CSMD1: variants seen among roughly 807,000 people sequenced by gnomAD.
CSMD1 encodes the protein CUB and sushi domain-containing protein 1.
A neutral mutation model predicts 417.5 loss-of-function variants in CSMD1; 213 were observed. The ratio of observed to expected loss-of-function variants is 0.51; its 90% confidence interval spans 0.46 to 0.57. The LOEUF (loss-of-function observed/expected upper bound fraction) is 0.57, where lower values mean the gene tolerates loss of function less well. CSMD1 is among the 20% of genes least tolerant of loss of function. The pLI, the probability that CSMD1 is intolerant of heterozygous loss-of-function variation, is 0.00. For missense variants in CSMD1, 6,923 were observed against 4,529.7 expected, an observed-to-expected ratio of 1.53 and a Z score of -15.17; for synonymous variants, 2,862 against 1,736.8, an observed-to-expected ratio of 1.65 and a Z score of -16.11.
At chr8:4,368,706 T>C (rs967333899) in intron 3 of CSMD1, among the ~76,000 whole-genome samples, 2 of 152,148 alleles carry the variant, frequency 1.3e-5, no homozygotes, top group African/African-American at 4.8e-5. Flanking sequence ...TGTTGTGTAT[T>C]TCTAGGAATT....
At chr8:4,868,731 T>C (rs1802561749) in intron 1 of CSMD1, among the ~76,000 whole-genome samples, 1 of 151,876 alleles carries the variant, frequency 6.6e-6, no homozygotes, top group Admixed American at 6.6e-5. Context: ...CAGTTAGAAC[T>C]AGATTTGACA....
At chr8:3,366,948 A>C (rs1029250356) in intron 20 of CSMD1, 84 bp downstream of exon 20, 13 of 1,060,884 alleles carry the variant, frequency 1.2e-5, no homozygotes, top group African/African-American at 6.3e-5. Context: ...CATTACACAC[A>C]CACACACACC....
chr8:3,249,791 T>C (rs893565980), intron 26 of CSMD1, among the ~76,000 whole-genome samples: 1 of 152,216 alleles, frequency 6.6e-6, no homozygotes, highest in South Asian at 2.1e-4. Context: ...ATGTCTAAAC[T>C]TCATTAGGGA....
intron 33 of CSMD1, among the ~76,000 whole-genome samples, chr8:3,191,325 A>C (rs1796411220): frequency 6.6e-6 from 1 of 152,112 alleles, no homozygotes; most frequent in Non-Finnish European, 1.5e-5. Flanking sequence ...GCATGGTGGC[A>C]CATGTCTGTA....
chr8:4,947,972 T>C (rs1221874139), intron 1 of CSMD1, among the ~76,000 whole-genome samples: 1 of 152,098 alleles, frequency 6.6e-6, no homozygotes, highest in Non-Finnish European at 1.5e-5. Flanking sequence ...TTTTAAGATA[T>C]CCATAAAAAA....
At chr8:3,869,776 T>C (rs1400683724) in intron 5 of CSMD1, among the ~76,000 whole-genome samples, 1 of 152,164 alleles carries the variant, frequency 6.6e-6, no homozygotes, top group African/African-American at 2.4e-5. Context: ...AGGGGTTTGA[T>C]GTCAGGGAAG....
At chr8:3,995,475 C>G (rs1413862942) in intron 5 of CSMD1, among the ~76,000 whole-genome samples, 1 of 152,172 alleles carries the variant, frequency 6.6e-6, no homozygotes, top group African/African-American at 2.4e-5. Context: ...AGCCTGTAGT[C>G]CTGAAACAGA....
chr8:4,163,793 G>C (rs1049645521), intron 3 of CSMD1, among the ~76,000 whole-genome samples: 1 of 152,096 alleles, frequency 6.6e-6, no homozygotes, highest in African/African-American at 2.4e-5. Flanking sequence ...ATTCAACAGT[G>C]TCATTACATT....
intron 3 of CSMD1, among the ~76,000 whole-genome samples, chr8:4,193,967 C>A (rs1799188206): frequency 6.6e-6 from 1 of 151,782 alleles, no homozygotes; most frequent in East Asian, 1.9e-4. Flanking sequence ...TATATTCTTT[C>A]CTAAGTAAAT....
chr8:3,810,951 C>T (rs905470781), intron 5 of CSMD1, among the ~76,000 whole-genome samples: 1 of 152,094 alleles, frequency 6.6e-6, no homozygotes, highest in Non-Finnish European at 1.5e-5. Flanking sequence ...GGGATAATAA[C>T]GTTTGTTCTT....
At chr8:3,278,463 A>G (rs980642564) in intron 26 of CSMD1, 3 of 152,236 alleles carry the variant, frequency 2.0e-5, no homozygotes, top group Admixed American at 2.0e-4. Context: ...CTCATTTAAT[A>G]CAATTGAATA....
At chr8:4,166,342 T>C (rs1403834809) in intron 3 of CSMD1, among the ~76,000 whole-genome samples, 1 of 152,230 alleles carries the variant, frequency 6.6e-6, no homozygotes, top group African/African-American at 2.4e-5. Flanking sequence ...AGACCATACG[T>C]ATTATACACC....
At chr8:4,742,816 T>C (rs991976677) in intron 1 of CSMD1, among the ~76,000 whole-genome samples, 17 of 152,326 alleles carry the variant, frequency 1.1e-4, no homozygotes, top group African/African-American at 4.1e-4. Flanking sequence ...AGAAAATTTT[T>C]CTGTAGAGCA....
At position 4,382,305 on chromosome 8, in the gene CSMD1, G is replaced by C. The variant is rs992228792; in HGVS notation, c.415+37648C>G. Among the ~76,000 whole-genome samples, 6 of 152,188 alleles carry C rather than the reference G, an allele frequency of 3.9e-5. No homozygotes were observed. In the South Asian group the frequency reaches 6.2e-4, roughly 16 times the overall value. The stretch of plus-strand genomic sequence containing the variant: ...TATTGAGTTCTTTATCCAGAAAAAA[G>C]AGAGGAGTTATATGTGCACTTTCTC... On this transcript the variant is annotated intron_variant, in intron 3 of 69. Coordinates refer to ENST00000635120, the MANE Select transcript of CSMD1 (RefSeq NM_033225.6).
intron 1 of CSMD1, among the ~76,000 whole-genome samples, chr8:4,906,385 G>A (rs1311147157): frequency 2.6e-5 from 4 of 152,134 alleles, no homozygotes; most frequent in East Asian, 3.9e-4. Flanking sequence ...GTAGAACACT[G>A]AGTTGTCAAA....
intron 1 of CSMD1, among the ~76,000 whole-genome samples, chr8:4,719,410 G>A (rs1316557726): frequency 1.3e-5 from 2 of 151,700 alleles, no homozygotes; most frequent in Non-Finnish European, 2.9e-5. Flanking sequence ...ATAATTCTCT[G>A]TTGCATTAAA....
intron 1 of CSMD1, among the ~76,000 whole-genome samples, chr8:4,946,787 G>C (rs1415068487): frequency 6.6e-6 from 1 of 151,946 alleles, no homozygotes; most frequent in Non-Finnish European, 1.5e-5. Context: ...TTCACTACAG[G>C]GAAATAAATT....
intron 1 of CSMD1, among the ~76,000 whole-genome samples, chr8:4,643,132 T>C (rs1027453403): frequency 2.0e-5 from 3 of 152,234 alleles, no homozygotes; most frequent in African/African-American, 7.2e-5. Flanking sequence ...GTATGTCTCA[T>C]TGGAGATAAA....
In CSMD1 at chr8:4,359,162, G is replaced by C. The variant is rs567998459; in HGVS notation, c.415+60791C>G. Among the ~76,000 whole-genome samples, 6 of 152,272 alleles carry C rather than the reference G, an allele frequency of 3.9e-5. No homozygotes were observed. In the South Asian group the frequency reaches 1.2e-3, roughly 32 times the overall value. On this transcript the variant is annotated intron_variant, in intron 3 of 69. Coordinates refer to ENST00000635120, the MANE Select transcript of CSMD1 (RefSeq NM_033225.6). Reference sequence around the variant, plus strand: ...TGTAGCCCAGTTCGGTCACTAATAAGTTACTTGGTTATCAGCAATTTCACA... The same window carrying C: ...TGTAGCCCAGTTCGGTCACTAATAACTTACTTGGTTATCAGCAATTTCACA...
Sources: gnomAD v4.1 joint callset for allele counts (sites outside exome capture counted in the v4.1 genomes callset) on GRCh38, gnomAD v4.1.1 for gene constraint, MANE v1.5 for transcripts, NCBI Gene and HGNC (gene_info 2026-07-23, HGNC 2026-07-21) for gene names.